DEAF1: variants seen among roughly 807,000 people sequenced by gnomAD.
The protein encoded by DEAF1 is deformed epidermal autoregulatory factor 1 homolog.
Under a neutral mutation model 58.9 loss-of-function variants are expected in DEAF1, and 53 were observed. That is an observed-to-expected ratio of 0.90 (90% CI 0.72 to 1.13). The LOEUF (loss-of-function observed/expected upper bound fraction) is 1.13. Among genes scored for constraint, DEAF1 ranks in the 50% most tolerant of loss-of-function variants. The pLI is 0.00. For synonymous variants in DEAF1, 385 were observed against 340.4 expected (o/e 1.13, Z -1.44); for missense variants, 685 against 791.4 (o/e 0.87, Z 1.61).
intron 10 of DEAF1, among the ~76,000 whole-genome samples, chr11:669,511 C>A (rs1175990917): frequency 6.6e-6 from 1 of 151,686 alleles, no homozygotes; most frequent in East Asian, 1.9e-4. Context: ...TGGCGCATGC[C>A]TGTAATCTCA....
rs540696469 is a variant in DEAF1 at position 654,689 on chromosome 11, C to T, written c.1504-638G>A. The stretch of plus-strand genomic sequence containing the variant: ...CAGGAGTTCAGCACAGGCAACGTTG[C>T]GAAACCCAGTCTCTACTAAAAATAC... On this transcript the variant is annotated intron_variant, in intron 10 of 11. Transcript: ENST00000382409. The T allele has an allele frequency of 7.8e-5, 35 of 450,998 alleles. 1 individual carries two copies. Among genetic ancestry groups the T allele is most frequent in the African/African-American group, 2.4e-4 (12 of 49,110 alleles). 27.9% of individuals were successfully genotyped at this position (450,998 alleles called of 1,614,324 possible). A position where few individuals can be genotyped will look rare whatever the true frequency, so the allele number is the denominator to read the frequency against.
chr11:693,810 A>G (rs932342949), intron 1 of DEAF1, among the ~76,000 whole-genome samples: 5 of 152,210 alleles, frequency 3.3e-5, no homozygotes, highest in African/African-American at 1.2e-4. Context: ...GCAAGAAACT[A>G]TAAGCAGCTT....
rs1346490346 is a variant in DEAF1, at chr11:654,735, G to A, written c.1504-684C>T. On this transcript the variant is annotated intron_variant, in intron 10 of 11. Transcript: ENST00000382409. ...AATACAAAAATTAGCTGGGTGTGGT[G>A]GTGGCCACCTGTAATCCCAGCTACC... The A allele has an allele frequency of 1.4e-5, 6 of 421,182 alleles. No individual in the cohort carries two copies. The Admixed American group carries it at 1.5e-4, about 10-fold the overall frequency. 26.1% of individuals were successfully genotyped at this position (421,182 alleles called of 1,614,324 possible). A position where few individuals can be genotyped will look rare whatever the true frequency, so the allele number is the denominator to read the frequency against.
intron 9 of DEAF1, 134 bp downstream of exon 9, chr11:678,560 C>A (rs1012037567): frequency 1.5e-6 from 2 of 1,296,882 alleles, no homozygotes; most frequent in African/African-American, 2.9e-5. Context: ...CCACACTTTA[C>A]CAGCCACTGA....
intron 10 of DEAF1, among the ~76,000 whole-genome samples, chr11:659,711 C>G (rs1398756132): frequency 6.6e-6 from 1 of 152,186 alleles, no homozygotes; most frequent in Non-Finnish European, 1.5e-5. Flanking sequence ...CAGATCCGCT[C>G]CTGGGTCTAG....
chr11:656,126 G>A (rs1045393097), intron 10 of DEAF1, among the ~76,000 whole-genome samples: 3 of 147,886 alleles, frequency 2.0e-5, no homozygotes, highest in Non-Finnish European at 4.5e-5. Flanking sequence ...GAGCCACCGC[G>A]CCTGGCCTGT....
At chr11:693,870 C>T (rs553722539) in intron 1 of DEAF1, among the ~76,000 whole-genome samples, 48 of 152,314 alleles carry the variant, frequency 3.2e-4, no homozygotes, top group African/African-American at 1.1e-3. Context: ...AAAGGAAGCC[C>T]GACAGGAAGC....
chr11:688,048 G>T lies in DEAF1; in HGVS notation c.527C>A (p.Ser176Tyr). ...PAAPLTPGPQSPPTPLAPGQE... is the reference protein window; with the variant it reads ...PAAPLTPGPQYPPTPLAPGQE... ...GCCGGGAGCCAGAGGGGTTGGAGGA[G>T]ACTGAGGACCTTGGGCAGAGAAAGT... Residue 176 changes from serine (S) to tyrosine (Y), a missense_variant, in exon 4 of 12, where the codon TCT becomes TAT. Ser to Tyr is a moderately radical substitution (Grantham distance 144, BLOSUM62 -2). Coordinates refer to ENST00000382409, the MANE Select transcript of DEAF1 (RefSeq NM_021008.4). This position sits in a 1 kb window ranked among gnomAD's most constrained non-coding sequence, Gnocchi z 4.3. 3 of 1,614,036 alleles carry T rather than the reference G, an allele frequency of 1.9e-6. No homozygotes were observed. Among genetic ancestry groups the T allele is most frequent in the South Asian group, 1.1e-5 (1 of 91,072 alleles).
At chr11:695,773 G>A, upstream of DEAF1, 3 of 1,237,836 alleles carry the variant, frequency 2.4e-6, no homozygotes, top group Non-Finnish European at 3.0e-6. Flanking sequence ...GAGCGCGAGC[G>A]CGCGGGCCGA....
Position 687,742 on chromosome 11 carries a change from C to T in DEAF1, c.664+169G>A, listed in dbSNP as rs981792702. On this transcript the variant is annotated intron_variant, in intron 4 of 11. Coordinates refer to ENST00000382409, the MANE Select transcript of DEAF1 (RefSeq NM_021008.4). ...TCGATCTCCTGACCTCTGATCCACC[C>T]GCCTCGGCTTCCCAAAGTGCTGGTA... Among the ~76,000 whole-genome samples the T allele has an allele frequency of 1.3e-5, 2 of 152,148 alleles. 1 individual carries two copies. Among genetic ancestry groups the T allele is most frequent in the Non-Finnish European group, 2.9e-5 (2 of 68,028 alleles).
Position 654,003 on chromosome 11 carries a change from A to T in DEAF1, c.1552T>A (p.Cys518Ser). Reference sequence around the variant, plus strand: ...GTGGAGCAGTAGTTGACCTTGTGGCAGCCGGTGCACTCGCTCATAGCCTCC... The same window carrying T: ...GTGGAGCAGTAGTTGACCTTGTGGCTGCCGGTGCACTCGCTCATAGCCTCC... ...GREAMSECTG[C>S]HKVNYCSTFC... Residue 518 changes from cysteine to serine, a missense_variant, in exon 11 of 12, where the codon TGC becomes AGC. Cys to Ser is a moderately radical substitution (Grantham distance 112). Transcript: ENST00000382409. 1 of 1,613,930 alleles carries T rather than the reference A, an allele frequency of 6.2e-7. No homozygotes were observed. Among genetic ancestry groups the T allele is most frequent in the Non-Finnish European group, 8.5e-7 (1 of 1,179,978 alleles).
Position 645,982 on chromosome 11 carries a change from G to GT in DEAF1, c.1594-1329dup, listed in dbSNP as rs1199507014. Among the ~76,000 whole-genome samples, 13 of 152,300 alleles carry GT rather than the reference G, an allele frequency of 8.5e-5. No individual in the cohort carries two copies. The East Asian group carries it at 2.5e-3, about 29-fold the overall frequency. On this transcript the variant is annotated intron_variant, in intron 11 of 11. Transcript: ENST00000382409. ...AAAGAGCAAAATTAGGCCGGGCGCA[G>GT]TGGTTCACGGCTGTAATCCCATCAT...
chr11:693,848 A>G, intron 1 of DEAF1, among the ~76,000 whole-genome samples: 1 of 152,252 alleles, frequency 6.6e-6, no homozygotes, highest in Non-Finnish European at 1.5e-5. Context: ...GGAAAGCCAC[A>G]GCAGCCTCCC....
At chr11:692,592 C>G (rs766748146) in intron 1 of DEAF1, among the ~76,000 whole-genome samples, 8 of 152,236 alleles carry the variant, frequency 5.3e-5, no homozygotes, top group Non-Finnish European at 1.0e-4. Context: ...GTGGCTCACG[C>G]CTGTAATCCC....
At chr11:689,983 C>A (rs1860757794) in intron 2 of DEAF1, among the ~76,000 whole-genome samples, 1 of 151,876 alleles carries the variant, frequency 6.6e-6, no homozygotes, top group Non-Finnish European at 1.5e-5. Context: ...CACAGATCGC[C>A]ACGTGGCCAT....
At chr11:692,747 G>C (rs1860887074) in intron 1 of DEAF1, among the ~76,000 whole-genome samples, 1 of 152,124 alleles carries the variant, frequency 6.6e-6, no homozygotes, top group Non-Finnish European at 1.5e-5. Context: ...AGCTACTCGG[G>C]AGGCTGAGGC....
intron 1 of DEAF1, chr11:704,880 C>T: frequency 2.8e-6 from 1 of 356,912 alleles, no homozygotes; most frequent in South Asian, 2.1e-5. Flanking sequence ...CACTTGGCCA[C>T]TCCCAGCTCT....
At chr11:645,474 A>G (rs1186862334) in intron 11 of DEAF1, among the ~76,000 whole-genome samples, 1 of 151,910 alleles carries the variant, frequency 6.6e-6, no homozygotes, top group African/African-American at 2.4e-5. Context: ...ACGCCACCAC[A>G]CCTGGCTAAT....
chr11:660,547 C>T (rs562395996), intron 10 of DEAF1, among the ~76,000 whole-genome samples: 2 of 152,370 alleles, frequency 1.3e-5, no homozygotes, highest in Admixed American at 6.5e-5. Context: ...CCTGCATTTC[C>T]GGGGGCTTCC....
Sources: gnomAD v4.1 joint callset for allele counts (sites outside exome capture counted in the v4.1 genomes callset) on GRCh38, gnomAD v4.1.1 for gene constraint, Gnocchi (gnomAD v3.1) non-coding constraint, MANE v1.5 for transcripts, NCBI Gene and HGNC (gene_info 2026-07-23, HGNC 2026-07-21) for gene names.